ST7: variants seen among roughly 807,000 people sequenced by gnomAD.
ST7 encodes the protein suppressor of tumorigenicity 7 protein.
ST7 carries 28 observed loss-of-function variants against 78.7 expected under a neutral mutation model. The observed-to-expected ratio is 0.36, with a 90% CI of 0.26 to 0.49. The LOEUF (loss-of-function observed/expected upper bound fraction) is 0.49, where lower values mean the gene tolerates loss of function less well. ST7 is among the 20% of genes least tolerant of loss of function. ST7 has a pLI of 0.99. For synonymous variants in ST7, 247 were observed against 249.6 expected, an observed-to-expected ratio of 0.99 and a Z score of 0.10; for missense variants, 418 against 696.0, an observed-to-expected ratio of 0.60 and a Z score of 4.49.
intron 2 of ST7, among the ~76,000 whole-genome samples, chr7:117,100,873 T>C (rs1584661227): frequency 6.6e-6 from 1 of 152,172 alleles, no homozygotes; most frequent in South Asian, 2.1e-4. Context: ...TCTGTACCCA[T>C]ATACTTGTGA....
At chr7:117,125,045 T>C (rs112323904) in intron 3 of ST7, among the ~76,000 whole-genome samples, 433 of 152,286 alleles carry the variant, frequency 2.8e-3, no homozygotes, top group African/African-American at 9.6e-3. Context: ...CTAATAGTCT[T>C]AATGAGGGTA....
chr7:117,018,110 C>T (rs193288894), intron 1 of ST7, among the ~76,000 whole-genome samples: 13 of 152,260 alleles, frequency 8.5e-5, no homozygotes, highest in African/African-American at 1.9e-4. Context: ...ATAAATGAGT[C>T]GGCAAAGCAG....
At chr7:117,094,002 T>A (rs1200859928) in intron 1 of ST7, among the ~76,000 whole-genome samples, 1 of 152,214 alleles carries the variant, frequency 6.6e-6, no homozygotes, top group Non-Finnish European at 1.5e-5. Flanking sequence ...AGGCATTGCA[T>A]AAACTTGTTA....
chr7:117,124,645 C>T (rs1040852340), intron 3 of ST7, among the ~76,000 whole-genome samples: 5 of 152,106 alleles, frequency 3.3e-5, no homozygotes, highest in African/African-American at 9.7e-5. Flanking sequence ...GTTGACAGCT[C>T]GGGCTCTGGG....
intron 10 of ST7, among the ~76,000 whole-genome samples, chr7:117,176,767 A>G (rs988613738): frequency 3.3e-5 from 5 of 152,232 alleles, no homozygotes; most frequent in African/African-American, 1.2e-4. Flanking sequence ...CAGTATGTCC[A>G]TACTTCCAAA....
intron 10 of ST7, among the ~76,000 whole-genome samples, chr7:117,186,375 A>G (rs1490379134): frequency 6.6e-6 from 1 of 152,164 alleles, no homozygotes; most frequent in Non-Finnish European, 1.5e-5. Flanking sequence ...AACTATGATA[A>G]CGCATATGGC....
At chr7:117,137,769 A>T (rs943653223) in intron 8 of ST7, among the ~76,000 whole-genome samples, 2 of 152,190 alleles carry the variant, frequency 1.3e-5, no homozygotes, top group Non-Finnish European at 2.9e-5. Flanking sequence ...AACATATCCA[A>T]CAAGACATAT....
At chr7:117,050,562 T>C (rs1188217199) in intron 1 of ST7, among the ~76,000 whole-genome samples, 1 of 152,240 alleles carries the variant, frequency 6.6e-6, no homozygotes, top group Non-Finnish European at 1.5e-5. Flanking sequence ...TTGTGTATAT[T>C]TTATGGTAGT....
At chr7:117,040,480 A>C (rs1302041349) in intron 1 of ST7, among the ~76,000 whole-genome samples, 1 of 152,218 alleles carries the variant, frequency 6.6e-6, no homozygotes, top group Non-Finnish European at 1.5e-5. Flanking sequence ...TAAATCCCCT[A>C]ATACACTGCC....
intron 1 of ST7, among the ~76,000 whole-genome samples, chr7:117,033,605 G>A (rs890992022): frequency 2.0e-5 from 3 of 151,990 alleles, no homozygotes; most frequent in Non-Finnish European, 4.4e-5. Context: ...TGTATTTTTA[G>A]TAGAGACTGG....
At chr7:116,956,340 G>T (rs993871225) in intron 1 of ST7, 1 of 376,290 alleles carries the variant, frequency 2.7e-6, no homozygotes, top group Non-Finnish European at 5.5e-6. Flanking sequence ...CCTGAGAGGG[G>T]AGGCAGGAGC....
chr7:117,221,958 C>T lies in ST7; in HGVS notation c.1534C>T (p.Leu512Phe). The T allele has an allele frequency of 6.2e-7, 1 of 1,612,370 alleles. No individual in the cohort carries two copies. Among genetic ancestry groups the T allele is most frequent in the South Asian group, 1.1e-5 (1 of 90,780 alleles). ...HEVSVYPKKE[L>F]PFFILFTAGL... ...AGTCTCAGTTTACCCAAAGAAGGAG[C>T]TTCCCTTCTTTATTCTCTTTACTGC... Residue 512 changes from leucine to phenylalanine, a missense_variant, in exon 15 of 16, where the codon CTT becomes TTT. Physicochemically the swap from Leu to Phe is conservative, Grantham distance 22. Transcript: ENST00000323984.
At chr7:117,015,286 C>A (rs1337978696) in intron 1 of ST7, among the ~76,000 whole-genome samples, 1 of 152,164 alleles carries the variant, frequency 6.6e-6, no homozygotes. Flanking sequence ...CATAGTTAAT[C>A]CACATTTCTC....
At chr7:117,052,683 A>T (rs1346827629) in intron 1 of ST7, among the ~76,000 whole-genome samples, 1 of 152,212 alleles carries the variant, frequency 6.6e-6, no homozygotes, top group Non-Finnish European at 1.5e-5. Flanking sequence ...TCACGAGGTC[A>T]GGAGATCAAG....
intron 9 of ST7, 48 bp downstream of exon 9, chr7:117,138,580 C>T: frequency 2.2e-6 from 3 of 1,345,254 alleles, no homozygotes; most frequent in Middle Eastern, 1.8e-4. Context: ...GATATAGGAG[C>T]CCGCTGAATG....
At position 117,117,546 on chromosome 7, in the gene ST7, G is replaced by A. The variant is rs536079344; in HGVS notation, c.235-2015G>A. Among the ~76,000 whole-genome samples, 25 of 152,270 alleles carry A rather than the reference G, an allele frequency of 1.6e-4. No individual in the cohort carries two copies. In the South Asian group the frequency reaches 5.2e-3, roughly 32 times the overall value. ...AAATGCAAAGCCATGAATCTATTGAGGGCCTTGTTGAGTGGTCAGGATTGT... is the reference window on the plus strand; with the variant it reads ...AAATGCAAAGCCATGAATCTATTGAAGGCCTTGTTGAGTGGTCAGGATTGT... On this transcript the variant is annotated intron_variant, in intron 2 of 15. Coordinates refer to ENST00000323984, the MANE Select transcript of ST7 (RefSeq NM_001369598.1).
chr7:117,062,671 G>T (rs977525483), intron 1 of ST7, among the ~76,000 whole-genome samples: 2 of 152,062 alleles, frequency 1.3e-5, no homozygotes, highest in African/African-American at 2.4e-5. Flanking sequence ...CTCCTTAAAA[G>T]ATATAATCAT....
Sources: allele counts gnomAD v4.1 joint callset (sites outside exome capture counted in the v4.1 genomes callset), GRCh38; gene constraint gnomAD v4.1.1; transcripts MANE v1.5; gene names NCBI Gene and HGNC (gene_info 2026-07-23, HGNC 2026-07-21).